Variants in COL5A1 observed in about 807,000 individuals in gnomAD.
COL5A1 encodes collagen alpha-1(V) chain.
In COL5A1, 16 loss-of-function variants were observed where a neutral mutation model predicts 263.7. The observed-to-expected ratio is 0.06, with a 90% CI of 0.04 to 0.09. The LOEUF (loss-of-function observed/expected upper bound fraction) is 0.09. Ranked by LOEUF, COL5A1 falls within the 10% of genes least tolerant of loss-of-function variation. The pLI is 1.00. For synonymous variants in COL5A1, 1,012 were observed against 1,004.5 expected (o/e 1.01, Z -0.14); for missense variants, 2,036 against 2,540.5 (o/e 0.80, Z 4.27).
At chr9:134,805,505 A>G (rs1186282800) in intron 41 of COL5A1, among the ~76,000 whole-genome samples, 1 of 152,042 alleles carries the variant, frequency 6.6e-6, no homozygotes, top group African/African-American at 2.4e-5. Context: ...TGGAGGAGCA[A>G]GGAGAAAGCC....
In COL5A1 at chr9:134,760,899, A is replaced by ATACACACATGCACACACACACG. The variant is rs1349433265; in HGVS notation, c.1936-1007_1936-986dup. 2.1e-5 allele frequency among the ~76,000 whole-genome samples: 3 copies of ATACACACATGCACACACACACG among 145,476 alleles called. No homozygotes were observed. The South Asian group carries it at 6.7e-4, about 33-fold the overall frequency. On this transcript the variant is annotated intron_variant, in intron 18 of 65. Transcript: ENST00000371817. ...CAGACGCATACATACCCACACACGC[A>ATACACACATGCACACACACACG]TACACACATGCACACACACACGTAC... is the stretch of plus-strand genomic sequence containing the variant.
Position 134,818,993 on chromosome 9 carries a change from C to T in COL5A1, c.4393-7C>T, listed in dbSNP as rs947083271. 10 of 1,613,338 alleles carry T rather than the reference C, an allele frequency of 6.2e-6. No individual in the cohort carries two copies. In the African/African-American group the frequency reaches 6.7e-5, roughly 11 times the overall value. Reference sequence around the variant, plus strand: ...GAGGACTCTGATCCCCCTGCCTCCTCCCACAGGGTCCCCCAGGACTTCCCG... The same window carrying T: ...GAGGACTCTGATCCCCCTGCCTCCTTCCACAGGGTCCCCCAGGACTTCCCG... On this transcript the variant is annotated splice_polypyrimidine_tract_variant and splice_region_variant and intron_variant, in intron 56 of 65. Transcript: ENST00000371817. The surrounding 1 kb of genome is among the most constrained non-coding windows in gnomAD (Gnocchi z 6.0).
intron 4 of COL5A1, among the ~76,000 whole-genome samples, chr9:134,714,996 AAAAG>A (rs1470901911): frequency 3.9e-5 from 6 of 152,098 alleles, no homozygotes; most frequent in Non-Finnish European, 7.4e-5. Context: ...AGAGACTGAG[AAAAG>A]AAAGAGACAC....
At chr9:134,699,837 T>G in intron 2 of COL5A1, 72 bp from the exon 3 acceptor site, 1 of 1,481,892 alleles carries the variant, frequency 6.7e-7, no homozygotes, top group Non-Finnish European at 9.4e-7. Context: ...CTGGCTTGTT[T>G]GCAGAGAGCC....
intron 4 of COL5A1, among the ~76,000 whole-genome samples, chr9:134,723,309 G>C (rs1215240691): frequency 8.0e-6 from 1 of 125,280 alleles, no homozygotes; most frequent in Non-Finnish European, 1.6e-5. Flanking sequence ...ATGATGTGGG[G>C]TGATGCGGGG....
chr9:134,780,188 G>A (rs779393734), intron 28 of COL5A1, 42 bp downstream of exon 28: 21 of 1,601,480 alleles, frequency 1.3e-5, no homozygotes, highest in East Asian at 2.2e-5. Flanking sequence ...TGCTTAGTCC[G>A]GAGCCGAATT....
intron 61 of COL5A1, among the ~76,000 whole-genome samples, chr9:134,824,394 C>T (rs1464090066): frequency 1.3e-5 from 2 of 152,198 alleles, no homozygotes; most frequent in African/African-American, 2.4e-5. Flanking sequence ...CTGGCAAGCA[C>T]CTGGCAGTGG....
chr9:134,823,208 C>T (rs1185775219), intron 60 of COL5A1, among the ~76,000 whole-genome samples, 175 bp downstream of exon 60: 1 of 152,202 alleles, frequency 6.6e-6, no homozygotes, highest in Non-Finnish European at 1.5e-5. Context: ...GGCTGCTCGC[C>T]GCCTGCCCTA....
At chr9:134,709,453 A>G (rs564862162) in intron 4 of COL5A1, among the ~76,000 whole-genome samples, 11 of 152,116 alleles carry the variant, frequency 7.2e-5, no homozygotes, top group Non-Finnish European at 1.6e-4. Flanking sequence ...GTGCATTCTC[A>G]TTTGCAGTTC....
intron 1 of COL5A1, among the ~76,000 whole-genome samples, chr9:134,645,474 T>G (rs1445614393): frequency 2.0e-5 from 3 of 152,200 alleles, no homozygotes; most frequent in East Asian, 3.8e-4. Context: ...GGCACCCACA[T>G]AGGAGCCTGA....
At chr9:134,775,470 G>A (rs985829481) in intron 27 of COL5A1, among the ~76,000 whole-genome samples, 1 of 152,210 alleles carries the variant, frequency 6.6e-6, no homozygotes, top group Non-Finnish European at 1.5e-5. Flanking sequence ...CTGCCATGAC[G>A]GGCTCTGACA....
intron 1 of COL5A1, among the ~76,000 whole-genome samples, chr9:134,660,307 A>T (rs1832163819): frequency 6.6e-6 from 1 of 152,230 alleles, no homozygotes; most frequent in South Asian, 2.1e-4. Flanking sequence ...CATGAGTCCT[A>T]AAGAATTGTC....
At chr9:134,803,365 T>C (rs559296943) in intron 39 of COL5A1, among the ~76,000 whole-genome samples, 4 of 152,034 alleles carry the variant, frequency 2.6e-5, no homozygotes, top group Non-Finnish European at 5.9e-5. Flanking sequence ...CCAGGTGCAG[T>C]GGCTCACGCC....
At chr9:134,670,695 C>T (rs1374032763) in intron 1 of COL5A1, among the ~76,000 whole-genome samples, 1 of 152,198 alleles carries the variant, frequency 6.6e-6, no homozygotes, top group Non-Finnish European at 1.5e-5. Context: ...GCATGTAGAG[C>T]TTTAGACCTC....
At chr9:134,693,714 C>T (rs1296395249) in intron 2 of COL5A1, among the ~76,000 whole-genome samples, 3 of 152,222 alleles carry the variant, frequency 2.0e-5, no homozygotes, top group African/African-American at 2.4e-5. Flanking sequence ...CGAGCAAACT[C>T]GCCACCTGTC....
rs78297323 is a variant in COL5A1, at chr9:134,774,835, C to T, written c.2332-24C>T. 2.2e-3 allele frequency: 3,614 copies of T among 1,612,080 alleles called. 80 individuals are homozygous for T. The African/African-American group carries it at 0.043, about 19-fold the overall frequency. ...CACCTCCACACTGGCATGGGGCTAA[C>T]GGTCTTTTTCTGTTTGGTTTTAGGG... On this transcript the variant is annotated intron_variant, in intron 26 of 65. Coordinates refer to ENST00000371817, the MANE Select transcript of COL5A1 (RefSeq NM_000093.5).
chr9:134,810,997 G>T (rs1280199913), intron 44 of COL5A1, among the ~76,000 whole-genome samples: 1 of 152,212 alleles, frequency 6.6e-6, no homozygotes, highest in African/African-American at 2.4e-5. Context: ...GGGCGCAAGG[G>T]CTCCAGAGGA....
rs1420427130 is a variant in COL5A1, at chr9:134,843,801, T to C, written c.*1498T>C. 1 of 152,708 alleles carries C rather than the reference T, an allele frequency of 6.5e-6. No individual in the cohort carries two copies. Among genetic ancestry groups the C allele is most frequent in the Non-Finnish European group, 1.5e-5 (1 of 68,054 alleles). 9.5% of individuals were successfully genotyped at this position (152,708 alleles called of 1,614,324 possible). ...ATGGAGTAATGTACAATGAACTCCATGAGTCTCTCCAGGGCTGCCTGCAGC... is the reference window on the plus strand; with the variant it reads ...ATGGAGTAATGTACAATGAACTCCACGAGTCTCTCCAGGGCTGCCTGCAGC... On this transcript the variant is annotated 3_prime_UTR_variant, in exon 66 of 66. Transcript: ENST00000371817.
rs117268750 is a variant in COL5A1, at chr9:134,807,829, G to A, written c.3367-1354G>A. Among the ~76,000 whole-genome samples, 476 of 152,364 alleles carry A rather than the reference G, an allele frequency of 3.1e-3. 2 individuals are homozygous for A. The highest frequency in any genetic ancestry group is 5.0e-3 in the South Asian group (24 of 4,826). ...AAAACTGAAGCCAACTGGGCAGTCA[G>A]TGTATAGAGTGCACACAAAGTCAGC... On this transcript the variant is annotated intron_variant, in intron 42 of 65. Coordinates refer to ENST00000371817, the MANE Select transcript of COL5A1 (RefSeq NM_000093.5).
Sources: gnomAD v4.1 joint callset for allele counts (sites outside exome capture counted in the v4.1 genomes callset) on GRCh38, gnomAD v4.1.1 for gene constraint, Gnocchi (gnomAD v3.1) non-coding constraint, MANE v1.5 for transcripts, NCBI Gene and HGNC (gene_info 2026-07-23, HGNC 2026-07-21) for gene names.